The following ACSF3 variants were observed in gnomAD, a reference collection of about 807,000 sequenced individuals.
The protein encoded by ACSF3 is acyl-CoA synthetase family member 3, also known as malonate--CoA ligase ACSF3, mitochondrial.
In ACSF3, 78 loss-of-function variants were observed where a neutral mutation model predicts 53.2. That is an observed-to-expected ratio of 1.47 (90% confidence interval 1.22 to 1.77). The LOEUF (loss-of-function observed/expected upper bound fraction) is 1.77. ACSF3 is among the 40% of genes most tolerant of loss of function. The pLI is 0.00. For synonymous variants in ACSF3, 414 were observed against 333.1 expected (o/e 1.24, Z -2.65); for missense variants, 937 against 771.1 (o/e 1.22, Z -2.55).
At chr16:89,117,966 C>T (rs1457401424) in intron 6 of ACSF3, among the ~76,000 whole-genome samples, 7 of 110,688 alleles carry the variant, frequency 6.3e-5, no homozygotes, top group South Asian at 3.0e-4. Context: ...TTCCCTCAGG[C>T]GCCAAGGACA....
intron 7 of ACSF3, among the ~76,000 whole-genome samples, chr16:89,123,064 G>A (rs7498787): frequency 0.14 from 21,160 of 152,214 alleles, 1,577 homozygotes; most frequent in African/African-American, 0.2. Flanking sequence ...CTCAGCGTAC[G>A]GGGGGTTTGC....
At chr16:89,147,005 G>A (rs773192576) in intron 10 of ACSF3, among the ~76,000 whole-genome samples, 2 of 151,952 alleles carry the variant, frequency 1.3e-5, no homozygotes, top group Admixed American at 6.6e-5. Flanking sequence ...AAAGAAACGG[G>A]GTATAATTGG....
intron 6 of ACSF3, among the ~76,000 whole-genome samples, chr16:89,116,868 G>A (rs867771731): frequency 5.9e-5 from 9 of 152,274 alleles, no homozygotes; most frequent in Middle Eastern, 3.4e-3. Flanking sequence ...GCATCTCCAC[G>A]ATGGCTGCGG....
At chr16:89,104,230 G>T (rs1238822120) in intron 4 of ACSF3, among the ~76,000 whole-genome samples, 1 of 152,156 alleles carries the variant, frequency 6.6e-6, no homozygotes, top group Non-Finnish European at 1.5e-5. Flanking sequence ...TTATTCACAG[G>T]AAAAAAAGTT....
intron 7 of ACSF3, among the ~76,000 whole-genome samples, chr16:89,129,850 T>G (rs1908917094): frequency 6.6e-6 from 1 of 152,258 alleles, no homozygotes; most frequent in African/African-American, 2.4e-5. Flanking sequence ...AGTCAACATT[T>G]TAACACTTCC....
chr16:89,153,777 G>A, intron 10 of ACSF3: 1 of 414,906 alleles, frequency 2.4e-6, no homozygotes, highest in Non-Finnish European at 4.5e-6. Flanking sequence ...CCGGTGTGGG[G>A]GCCCCTCTGC....
intron 2 of ACSF3, 95 bp from the exon 3 acceptor site, chr16:89,100,567 C>A: frequency 7.9e-7 from 1 of 1,258,842 alleles, no homozygotes; most frequent in Non-Finnish European, 1.1e-6. Flanking sequence ...GCAGGCGTAC[C>A]TGGCTGGGTA....
intron 8 of ACSF3, among the ~76,000 whole-genome samples, chr16:89,141,612 C>G (rs1356718829): frequency 6.6e-6 from 1 of 152,198 alleles, no homozygotes; most frequent in Non-Finnish European, 1.5e-5. Flanking sequence ...GCATCCAGGC[C>G]CGGGAGACGC....
In ACSF3 at chr16:89,100,979, T is replaced by C. The variant is rs1438827669; in HGVS notation, c.298T>C (p.Phe100Leu). Residue 100 changes from phenylalanine (F) to leucine (L), a missense_variant, in exon 3 of 11, where the codon TTC (phenylalanine) becomes CTC (leucine). By Grantham distance (22) the Phe-to-Leu change is conservative (BLOSUM62 0). Coordinates refer to ENST00000614302, the MANE Select transcript of ACSF3 (RefSeq NM_001243279.3). The stretch of plus-strand genomic sequence containing the variant: ...GGACCTCCGGGAGGAGAGGGTCTCC[T>C]TCCTATGCGCTAACGATGCCTCCTA... ...GGDLREERVS[F>L]LCANDASYVV... The C allele has an allele frequency of 1.2e-6, 2 of 1,613,618 alleles. No homozygotes were observed. The highest frequency in any genetic ancestry group is 2.2e-5 in the East Asian group (1 of 44,884).
At chr16:89,143,808 C>T (rs958181444) in intron 8 of ACSF3, among the ~76,000 whole-genome samples, 2 of 152,202 alleles carry the variant, frequency 1.3e-5, no homozygotes, top group African/African-American at 4.8e-5. Flanking sequence ...AAGCCTGGAG[C>T]CCACCTGGGC....
chr16:89,104,697 C>G (rs1459793715), intron 4 of ACSF3, among the ~76,000 whole-genome samples: 1 of 152,202 alleles, frequency 6.6e-6, no homozygotes, highest in African/African-American at 2.4e-5. Flanking sequence ...GAGAAGGCAG[C>G]TTTTCTGGCC....
At position 89,101,153 on chromosome 16, in the gene ACSF3, C is replaced by G; in HGVS notation, c.472C>G (p.Pro158Ala). The G allele has an allele frequency of 6.2e-7, 1 of 1,613,712 alleles. No homozygotes were observed. The highest frequency in any genetic ancestry group is 8.5e-7 in the Non-Finnish European group (1 of 1,179,880). The change falls in exon 3 of 11, where the codon CCG (proline) becomes GCG (alanine). Residue 158 changes from proline (P) to alanine (A), a missense_variant. Physicochemically the swap from Pro to Ala is conservative, Grantham distance 27. Transcript: ENST00000614302. ...ASQEYLELLS[P>A]VVRKLGVPLL... ...CCAGGAGTACCTGGAGCTCCTGAGC[C>G]CGGTGGTCAGGAAGCTGGGGGTCCC...
At chr16:89,136,603 GGGATGGCTGGACACAGCTGA>G in intron 8 of ACSF3, 1 of 1,286,600 alleles carries the variant, frequency 7.8e-7, no homozygotes, top group Middle Eastern at 3.3e-4. Flanking sequence ...GGGACAGCCA[GGGATGGCTGGACACAGCTGA>G]GGATGGCCGA....
At chr16:89,127,384 G>A (rs543733592) in intron 7 of ACSF3, among the ~76,000 whole-genome samples, 4 of 151,970 alleles carry the variant, frequency 2.6e-5, no homozygotes, top group Admixed American at 2.6e-4. Flanking sequence ...TGTGTGTGGG[G>A]GATAAGGTCT....
chr16:89,102,529 G>C, intron 3 of ACSF3, 75 bp from the exon 4 acceptor site: 1 of 1,577,444 alleles, frequency 6.3e-7, no homozygotes, highest in Non-Finnish European at 8.7e-7. Flanking sequence ...TCCTTTCCGT[G>C]AGCCCGAGGT....
intron 6 of ACSF3, among the ~76,000 whole-genome samples, chr16:89,119,526 CAT>C (rs569547495): frequency 4.1e-4 from 63 of 152,222 alleles, no homozygotes; most frequent in African/African-American, 1.1e-3. Flanking sequence ...AATGGGAAGT[CAT>C]GTGTTATGCG....
At chr16:89,153,684 C>A (rs1396159170) in intron 10 of ACSF3, 1 of 318,532 alleles carries the variant, frequency 3.1e-6, no homozygotes, top group Non-Finnish European at 6.1e-6. Flanking sequence ...CAGCCTCTTC[C>A]GCACGCCTCC....
At chr16:89,100,583 G>A (rs1232853425) in intron 2 of ACSF3, 79 bp from the exon 3 acceptor site, 3 of 1,371,628 alleles carry the variant, frequency 2.2e-6, no homozygotes, top group African/African-American at 1.4e-5. Flanking sequence ...GGGTACTGGG[G>A]AGGTGTTTTA....
intron 10 of ACSF3, among the ~76,000 whole-genome samples, chr16:89,146,560 G>C (rs571240422): frequency 6.6e-6 from 1 of 152,318 alleles, no homozygotes; most frequent in East Asian, 1.9e-4. Flanking sequence ...TCCTGCCCTG[G>C]GGGTGGGTCC....
Sources: allele counts gnomAD v4.1 joint callset (sites outside exome capture counted in the v4.1 genomes callset), GRCh38; gene constraint gnomAD v4.1.1; transcripts MANE v1.5; gene names NCBI Gene and HGNC (gene_info 2026-07-23, HGNC 2026-07-21).